The following ELAPOR2 variants were observed in gnomAD, a reference collection of about 807,000 sequenced individuals.
ELAPOR2 encodes endosome-lysosome associated apoptosis and autophagy regulator family member 2.
Under a neutral mutation model 120.7 loss-of-function variants are expected in ELAPOR2, and 89 were observed. The observed-to-expected ratio is 0.74, with a 90% confidence interval of 0.62 to 0.88. The LOEUF is 0.88. ELAPOR2 is among the 40% of genes least tolerant of loss of function. The probability of loss-of-function intolerance (pLI) is 0.00; values close to 1 mark genes in which losing one functional copy is unlikely to be tolerated. For missense variants in ELAPOR2, 1,134 were observed against 1,251.6 expected (o/e 0.91, Z 1.42); for synonymous variants, 444 against 444.9 (o/e 1.00, Z 0.03).
chr7:87,053,225 A>G (rs147693037), intron 1 of ELAPOR2, among the ~76,000 whole-genome samples: 114 of 152,328 alleles, frequency 7.5e-4, no homozygotes, highest in South Asian at 1.2e-3. Context: ...TTCACTTACT[A>G]TATTTTTAAG....
chr7:87,042,923 G>C (rs923094264), intron 1 of ELAPOR2, among the ~76,000 whole-genome samples: 1 of 152,064 alleles, frequency 6.6e-6, no homozygotes, highest in African/African-American at 2.4e-5. Context: ...AAATGATAAA[G>C]GGGATATCAC....
At chr7:86,995,235 T>C (rs1393785700) in intron 1 of ELAPOR2, among the ~76,000 whole-genome samples, 2 of 152,162 alleles carry the variant, frequency 1.3e-5, no homozygotes, top group African/African-American at 2.4e-5. Flanking sequence ...TCACCTCTAA[T>C]CACTGTGAAG....
chr7:86,890,336 A>G (rs923384587), intron 21 of ELAPOR2, among the ~76,000 whole-genome samples: 1 of 151,954 alleles, frequency 6.6e-6, no homozygotes, highest in Non-Finnish European at 1.5e-5. Context: ...TCTTGGAAAT[A>G]GTGTCTCCCA....
rs145617161 is a variant in ELAPOR2 at position 86,991,878 on chromosome 7, C to G, written c.190-26854G>C. ...TGCTCTCCCTCTTTTAAAGAGCCTTCTTGAAAATCCCATCTGAAGCATCTG... is the reference window on the plus strand; with the variant it reads ...TGCTCTCCCTCTTTTAAAGAGCCTTGTTGAAAATCCCATCTGAAGCATCTG... On this transcript the variant is annotated intron_variant, in intron 1 of 21. Coordinates refer to ENST00000450689, the MANE Select transcript of ELAPOR2 (RefSeq NM_001142749.3). Among the ~76,000 whole-genome samples the G allele has an allele frequency of 5.2e-3, 785 of 151,934 alleles. 4 individuals are homozygous for G. Among genetic ancestry groups the G allele is most frequent in the African/African-American group, 0.018 (750 of 41,222 alleles).
At chr7:87,029,818 G>C (rs1222326682) in intron 1 of ELAPOR2, among the ~76,000 whole-genome samples, 2 of 152,082 alleles carry the variant, frequency 1.3e-5, no homozygotes, top group Non-Finnish European at 1.5e-5. Context: ...TGGGGCAATC[G>C]AGATTTACAA....
At chr7:86,930,336 T>C (rs1200149367) in intron 8 of ELAPOR2, among the ~76,000 whole-genome samples, 1 of 151,984 alleles carries the variant, frequency 6.6e-6, no homozygotes, top group Non-Finnish European at 1.5e-5. Context: ...CAGAAATCCC[T>C]AGTCTCTGAG....
chr7:86,989,042 A>G (rs1400556126), intron 1 of ELAPOR2, among the ~76,000 whole-genome samples: 2 of 152,254 alleles, frequency 1.3e-5, no homozygotes, highest in Non-Finnish European at 2.9e-5. Context: ...ATAAGTAACT[A>G]TAAATAAAAA....
At chr7:86,983,490 A>G (rs968955597) in intron 1 of ELAPOR2, among the ~76,000 whole-genome samples, 1 of 152,204 alleles carries the variant, frequency 6.6e-6, no homozygotes, top group African/African-American at 2.4e-5. Context: ...CTGATCTCTC[A>G]GCAGAAACTC....
intron 21 of ELAPOR2, among the ~76,000 whole-genome samples, chr7:86,880,833 T>C (rs538240000): frequency 6.6e-6 from 1 of 151,654 alleles, no homozygotes; most frequent in South Asian, 2.1e-4. Context: ...AGACCCTTCC[T>C]GGGGACATAC....
At chr7:86,985,209 C>A (rs1792676416) in intron 1 of ELAPOR2, among the ~76,000 whole-genome samples, 1 of 152,066 alleles carries the variant, frequency 6.6e-6, no homozygotes, top group Non-Finnish European at 1.5e-5. Flanking sequence ...AATGGCCTAC[C>A]AATCAAAAAA....
intron 1 of ELAPOR2, among the ~76,000 whole-genome samples, chr7:87,011,891 A>G (rs1256648071): frequency 6.6e-6 from 1 of 152,226 alleles, no homozygotes; most frequent in Non-Finnish European, 1.5e-5. Context: ...TAAGCTATAA[A>G]TGCAAGTCAC....
chr7:87,028,792 A>G (rs1392316528), intron 1 of ELAPOR2, among the ~76,000 whole-genome samples: 1 of 152,118 alleles, frequency 6.6e-6, no homozygotes, highest in Non-Finnish European at 1.5e-5. Context: ...AAAGTCTTTC[A>G]CACACCCTAA....
chr7:86,949,399 C>T, intron 2 of ELAPOR2, among the ~76,000 whole-genome samples: 1 of 152,186 alleles, frequency 6.6e-6, no homozygotes, highest in Non-Finnish European at 1.5e-5. Context: ...TGCCATGAAG[C>T]CGGCTACTGT....
At chr7:87,026,507 C>T (rs1794249609) in intron 1 of ELAPOR2, among the ~76,000 whole-genome samples, 1 of 151,542 alleles carries the variant, frequency 6.6e-6, no homozygotes, top group South Asian at 2.1e-4. Context: ...TAGGGAACTG[C>T]TGAACTTTAG....
At chr7:87,050,647 T>C (rs779613756) in intron 1 of ELAPOR2, among the ~76,000 whole-genome samples, 1 of 152,196 alleles carries the variant, frequency 6.6e-6, no homozygotes, top group Non-Finnish European at 1.5e-5. Flanking sequence ...AGTCTTGTAT[T>C]AATGAAGCCT....
chr7:86,905,130 A>AAGGAAGGAAGGAAGGAAGGAAG (rs1355938615), intron 18 of ELAPOR2, among the ~76,000 whole-genome samples: 1 of 92,914 alleles, frequency 1.1e-5, no homozygotes. Context: ...AAGGAAGGAA[A>AAGGAAGGAAGGAAGGAAGGAAG]GAAAGAAAAG....
chr7:86,996,888 C>T (rs1305229340), intron 1 of ELAPOR2, among the ~76,000 whole-genome samples: 1 of 152,104 alleles, frequency 6.6e-6, no homozygotes, highest in East Asian at 1.9e-4. Context: ...AGAGAGAAGC[C>T]CAGGACCAGC....
chr7:86,929,397 T>A (rs907159843), intron 8 of ELAPOR2, among the ~76,000 whole-genome samples: 1 of 151,960 alleles, frequency 6.6e-6, no homozygotes, highest in Non-Finnish European at 1.5e-5. Context: ...TGCTCCATGA[T>A]GTTCTGGCTC....
chr7:86,952,077 G>A (rs891486774), intron 2 of ELAPOR2, among the ~76,000 whole-genome samples: 3 of 152,198 alleles, frequency 2.0e-5, no homozygotes, highest in Admixed American at 2.0e-4. Flanking sequence ...AAAGCAGTAA[G>A]AAGTCAAAGT....
Sources: gnomAD v4.1 joint callset for allele counts (sites outside exome capture counted in the v4.1 genomes callset) on GRCh38, gnomAD v4.1.1 for gene constraint, MANE v1.5 for transcripts, NCBI Gene and HGNC (gene_info 2026-07-23, HGNC 2026-07-21) for gene names.